PRKG1: variants seen among roughly 807,000 people sequenced by gnomAD.
PRKG1 encodes protein kinase cGMP-dependent 1.
In PRKG1, 35 loss-of-function variants were observed where a neutral mutation model predicts 88.1. The observed-to-expected ratio is 0.40, with a 90% CI of 0.30 to 0.53. The LOEUF is 0.53. Among genes scored for constraint, PRKG1 ranks in the 20% least tolerant of loss-of-function variants. PRKG1 has a pLI of 0.59. For missense variants in PRKG1, 540 were observed against 839.8 expected (o/e 0.64, Z 4.41); for synonymous variants, 303 against 292.5 (o/e 1.04, Z -0.37).
chr10:51,303,460 G>A (rs1840947705), intron 2 of PRKG1, among the ~76,000 whole-genome samples: 1 of 151,626 alleles, frequency 6.6e-6, no homozygotes, highest in African/African-American at 2.4e-5. Flanking sequence ...TCTTATTTGT[G>A]AGAAATGCCC....
chr10:51,824,710 G>T (rs778419561), intron 4 of PRKG1, among the ~76,000 whole-genome samples: 41 of 152,106 alleles, frequency 2.7e-4, no homozygotes, highest in Non-Finnish European at 5.1e-4. Flanking sequence ...GAGCAGGTGT[G>T]TGACATGGCA....
At chr10:51,249,111 A>G (rs1839365256) in intron 2 of PRKG1, among the ~76,000 whole-genome samples, 1 of 151,926 alleles carries the variant, frequency 6.6e-6, no homozygotes, top group Non-Finnish European at 1.5e-5. Flanking sequence ...CGAGGAAGAC[A>G]GTTAATGCTG....
rs115636782 is a variant in PRKG1 at position 51,138,224 on chromosome 10, C to T, written c.312-14940C>T. Among the ~76,000 whole-genome samples the T allele has an allele frequency of 2.0e-3, 299 of 152,222 alleles. 3 individuals carry two copies. The highest frequency in any genetic ancestry group is 7.1e-3 in the African/African-American group (296 of 41,556). ...AGGTAGTCATTTTATTAACTATAAA[C>T]AGGAGCTTTGCTTTACTGGTATTTA... On this transcript the variant is annotated intron_variant, in intron 1 of 17. Transcript: ENST00000373980.
At chr10:52,095,884 C>T (rs935638594) in intron 7 of PRKG1, among the ~76,000 whole-genome samples, 9 of 152,106 alleles carry the variant, frequency 5.9e-5, no homozygotes, top group African/African-American at 9.7e-5. Context: ...ACTAGTGATA[C>T]GTTAGTGATA....
intron 10 of PRKG1, among the ~76,000 whole-genome samples, chr10:52,267,426 A>G (rs190619142): frequency 2.0e-5 from 3 of 152,190 alleles, no homozygotes; most frequent in Admixed American, 2.0e-4. Context: ...AGCTATTACA[A>G]TTTAAAAGAG....
At chr10:51,162,873 A>C (rs1733123568) in intron 2 of PRKG1, among the ~76,000 whole-genome samples, 1 of 152,094 alleles carries the variant, frequency 6.6e-6, no homozygotes, top group South Asian at 2.1e-4. Flanking sequence ...TCATGACACC[A>C]TACCCATCTA....
intron 3 of PRKG1, among the ~76,000 whole-genome samples, chr10:51,502,566 A>G (rs1250855731): frequency 6.6e-6 from 1 of 152,182 alleles, no homozygotes; most frequent in Non-Finnish European, 1.5e-5. Context: ...ACTAAAATCA[A>G]TTTAAGCTTC....
At chr10:51,827,829 G>T (rs1839913688) in intron 4 of PRKG1, among the ~76,000 whole-genome samples, 1 of 152,064 alleles carries the variant, frequency 6.6e-6, no homozygotes, top group Non-Finnish European at 1.5e-5. Flanking sequence ...GAACAATTCA[G>T]AAAGTTTAGG....
intron 7 of PRKG1, among the ~76,000 whole-genome samples, chr10:52,133,110 C>T (rs1000669247): frequency 2.0e-5 from 3 of 152,044 alleles, no homozygotes; most frequent in African/African-American, 7.2e-5. Context: ...TAATTTTTAA[C>T]TAGCTGAAAA....
chr10:51,028,404 T>A (rs1261395605), intron 1 of PRKG1, among the ~76,000 whole-genome samples: 1 of 152,214 alleles, frequency 6.6e-6, no homozygotes. Flanking sequence ...TTTTCACTTG[T>A]GCCTTCATGT....
intron 5 of PRKG1, among the ~76,000 whole-genome samples, chr10:52,005,216 T>C (rs1028132209): frequency 1.3e-5 from 2 of 151,418 alleles, no homozygotes; most frequent in Non-Finnish European, 2.9e-5. Flanking sequence ...AATATAGCAA[T>C]GTGGCTTATG....
intron 3 of PRKG1, among the ~76,000 whole-genome samples, chr10:51,529,210 C>G (rs890305019): frequency 1.3e-5 from 2 of 152,120 alleles, no homozygotes; most frequent in African/African-American, 4.8e-5. Context: ...TATCCCAAAT[C>G]CAGCTACAAT....
rs1837177456 is a variant in PRKG1 at position 52,128,977 on chromosome 10, T to C, written c.936-4863T>C. 2.0e-5 allele frequency among the ~76,000 whole-genome samples: 3 copies of C among 152,212 alleles called. No homozygotes were observed. In the South Asian group the frequency reaches 6.2e-4, roughly 31 times the overall value. On this transcript the variant is annotated intron_variant, in intron 7 of 17. Transcript: ENST00000373980. ...TGGTAAAAGTTTTTAATTAAATAAATTGAACATTATAACCCTAGTTATAAA... is the reference window on the plus strand; with the variant it reads ...TGGTAAAAGTTTTTAATTAAATAAACTGAACATTATAACCCTAGTTATAAA...
chr10:52,054,375 A>G, intron 5 of PRKG1, 109 bp from the exon 6 acceptor site: 1 of 749,654 alleles, frequency 1.3e-6, no homozygotes, highest in South Asian at 1.7e-5. Context: ...GGCTTGGATA[A>G]AATTCCATTA....
At chr10:51,685,308 A>G (rs1247886929) in intron 3 of PRKG1, among the ~76,000 whole-genome samples, 1 of 152,158 alleles carries the variant, frequency 6.6e-6, no homozygotes, top group African/African-American at 2.4e-5. Flanking sequence ...ACTTCCTCCA[A>G]TTTTAGTGAA....
At chr10:51,232,182 A>G (rs1010361000) in intron 2 of PRKG1, among the ~76,000 whole-genome samples, 2 of 152,200 alleles carry the variant, frequency 1.3e-5, no homozygotes, top group African/African-American at 4.8e-5. Context: ...CAGTAGAGCC[A>G]GTATCCAGGA....
chr10:51,087,316 GATA>G (rs955753219), intron 1 of PRKG1, among the ~76,000 whole-genome samples: 8 of 151,962 alleles, frequency 5.3e-5, no homozygotes, highest in East Asian at 1.9e-4. Flanking sequence ...TGATGATGAT[GATA>G]ATGATGATAA....
intron 3 of PRKG1, among the ~76,000 whole-genome samples, chr10:51,517,062 C>A (rs1841608420): frequency 6.6e-6 from 1 of 152,046 alleles, no homozygotes; most frequent in East Asian, 1.9e-4. Flanking sequence ...GGTTCTACAG[C>A]TAAAGCCCTA....
chr10:51,509,758 T>A (rs1420050315), intron 3 of PRKG1, among the ~76,000 whole-genome samples: 1 of 152,208 alleles, frequency 6.6e-6, no homozygotes, highest in Non-Finnish European at 1.5e-5. Flanking sequence ...GGTGGCTTCA[T>A]CTCCATTTTA....
Sources: allele counts gnomAD v4.1 joint callset (sites outside exome capture counted in the v4.1 genomes callset), GRCh38; gene constraint gnomAD v4.1.1; transcripts MANE v1.5; gene names NCBI Gene and HGNC (gene_info 2026-07-23, HGNC 2026-07-21).